The following CHRM3 variants were observed in gnomAD, a reference collection of about 807,000 sequenced individuals.
CHRM3 encodes muscarinic acetylcholine receptor M3.
Under a neutral mutation model 41.8 loss-of-function variants are expected in CHRM3, and 11 were observed. That is an observed-to-expected ratio of 0.26 (90% confidence interval 0.17 to 0.44). The LOEUF (loss-of-function observed/expected upper bound fraction) is 0.44, where lower values mean the gene tolerates loss of function less well. Ranked by LOEUF, CHRM3 falls within the 20% of genes least tolerant of loss-of-function variation. The probability of loss-of-function intolerance (pLI) is 1.00; values close to 1 mark genes in which losing one functional copy is unlikely to be tolerated. For synonymous variants in CHRM3, 297 were observed against 301.4 expected (o/e 0.99, Z 0.15); for missense variants, 571 against 745.4 (o/e 0.77, Z 2.72).
chr1:239,542,058 G>A (rs1027224042), intron 2 of CHRM3, among the ~76,000 whole-genome samples: 2 of 152,058 alleles, frequency 1.3e-5, no homozygotes, highest in African/African-American at 2.4e-5. Context: ...ATATGTATGT[G>A]TGGGCATTTT....
At chr1:239,623,494 T>TA (rs1668657094) in intron 3 of CHRM3, among the ~76,000 whole-genome samples, 2 of 129,126 alleles carry the variant, frequency 1.5e-5, no homozygotes, top group African/African-American at 6.0e-5. Flanking sequence ...TTTTTTTTTT[T>TA]TTAATTTTTT....
At chr1:239,438,958 C>G (rs1663489535) in intron 1 of CHRM3, among the ~76,000 whole-genome samples, 1 of 152,166 alleles carries the variant, frequency 6.6e-6, no homozygotes, top group African/African-American at 2.4e-5. Context: ...GGAATCAAGG[C>G]ACAGTGCAAA....
chr1:239,770,346 G>A (rs908715103), intron 5 of CHRM3, among the ~76,000 whole-genome samples: 2 of 152,124 alleles, frequency 1.3e-5, no homozygotes, highest in Admixed American at 1.3e-4. Flanking sequence ...AGTAATGCCT[G>A]TAGTATGGTA....
intron 1 of CHRM3, among the ~76,000 whole-genome samples, chr1:239,418,628 AATT>A (rs1661692986): frequency 6.6e-6 from 1 of 152,210 alleles, no homozygotes; most frequent in Non-Finnish European, 1.5e-5. Context: ...AAAAGATTTT[AATT>A]ATTAACAACA....
At chr1:239,752,454 T>C (rs571411286) in intron 5 of CHRM3, among the ~76,000 whole-genome samples, 190 of 152,360 alleles carry the variant, frequency 1.2e-3, no homozygotes, top group South Asian at 3.7e-3. Flanking sequence ...TTTCTAGTTT[T>C]GATTTTTTTC....
chr1:239,435,761 T>G (rs990553321), intron 1 of CHRM3, among the ~76,000 whole-genome samples: 2 of 152,182 alleles, frequency 1.3e-5, no homozygotes, highest in South Asian at 4.1e-4. Context: ...ACCTTTGATT[T>G]TCCTGAAAAT....
At chr1:239,803,932 T>C (rs1670415650) in intron 5 of CHRM3, among the ~76,000 whole-genome samples, 1 of 152,202 alleles carries the variant, frequency 6.6e-6, no homozygotes, top group South Asian at 2.1e-4. Flanking sequence ...GAGGTAGCCC[T>C]GGGTATGAGA....
chr1:239,454,917 A>G (rs140581521), intron 1 of CHRM3, among the ~76,000 whole-genome samples: 545 of 152,242 alleles, frequency 3.6e-3, no homozygotes, highest in African/African-American at 0.013. Context: ...AAACGAACCT[A>G]CTATGCTACC....
At chr1:239,454,390 G>A (rs1664773688) in intron 1 of CHRM3, among the ~76,000 whole-genome samples, 1 of 152,122 alleles carries the variant, frequency 6.6e-6, no homozygotes, top group Non-Finnish European at 1.5e-5. Flanking sequence ...AATTGTGGAG[G>A]AAGGGGTGAG....
At chr1:239,899,392 TACATATACAC>T (rs1266068073) in intron 6 of CHRM3, among the ~76,000 whole-genome samples, 2 of 148,198 alleles carry the variant, frequency 1.3e-5, no homozygotes, top group Non-Finnish European at 3.0e-5. Context: ...TAAACACATA[TACATATACAC>T]ACATATACAT....
At chr1:239,452,107 A>G (rs1322627729) in intron 1 of CHRM3, among the ~76,000 whole-genome samples, 3 of 152,140 alleles carry the variant, frequency 2.0e-5, no homozygotes, top group African/African-American at 7.2e-5. Flanking sequence ...TTATAATTCA[A>G]GTACTTTATA....
At chr1:239,530,340 AATATG>A (rs916523937) in intron 2 of CHRM3, among the ~76,000 whole-genome samples, 2 of 152,226 alleles carry the variant, frequency 1.3e-5, no homozygotes, top group East Asian at 1.9e-4. Context: ...AACTGAAACT[AATATG>A]ATATATTTTT....
At chr1:239,900,377 CTT>C (rs10567817) in intron 6 of CHRM3, among the ~76,000 whole-genome samples, 11,151 of 130,222 alleles carry the variant, frequency 0.086, 1,323 homozygotes, top group African/African-American at 0.29. Context: ...TTTAGATATT[CTT>C]TTTTTTTTTT....
rs1196605621 is a variant in CHRM3 at position 239,913,639 on chromosome 1, T to C, written c.*4415T>C. ...TGTTCTTTAGAACTGGAGAATTCCATTTTCCTTTTCTGGCTTTAGTGTTAA... is the reference window on the plus strand; with the variant it reads ...TGTTCTTTAGAACTGGAGAATTCCACTTTCCTTTTCTGGCTTTAGTGTTAA... On this transcript the variant is annotated 3_prime_UTR_variant, in exon 7 of 7. Coordinates refer to ENST00000676153, the MANE Select transcript of CHRM3 (RefSeq NM_001375978.1). The C allele has an allele frequency of 6.0e-6, 1 of 167,026 alleles. No homozygotes were observed. The highest frequency in any genetic ancestry group is 1.5e-5 in the Non-Finnish European group (1 of 68,130). The allele number at this position is 167,026 out of a possible 1,614,324, so 10.3% of individuals were successfully genotyped here.
At position 239,618,273 on chromosome 1, in the gene CHRM3, C is replaced by CTTTTTTTT. The variant is rs11413091; in HGVS notation, c.-312-13948_-312-13947insTTTTTTTT. On this transcript the variant is annotated intron_variant, in intron 3 of 6. Coordinates refer to ENST00000676153, the MANE Select transcript of CHRM3 (RefSeq NM_001375978.1). ...TAGAGAGTAGGAGTACTTTTTTTTT[C>CTTTTTTTT]TTTCTTTTTTTTTTTTTTTTTTAAT... Among the ~76,000 whole-genome samples, 3 of 113,048 alleles carry CTTTTTTTT rather than the reference C, an allele frequency of 2.7e-5. 1 individual carries two copies. 74.2% of individuals were successfully genotyped at this position (113,048 alleles called of 152,430 possible).
intron 5 of CHRM3, among the ~76,000 whole-genome samples, chr1:239,774,765 T>C (rs1233316376): frequency 6.6e-6 from 1 of 152,160 alleles, no homozygotes; most frequent in Non-Finnish European, 1.5e-5. Flanking sequence ...TCTTGTCAGA[T>C]ATTTCTACTA....
rs1300160701 is a variant in CHRM3, at chr1:239,594,178, C to T, written c.-312-38046C>T. Among the ~76,000 whole-genome samples, 9 of 152,132 alleles carry T rather than the reference C, an allele frequency of 5.9e-5. No homozygotes were observed. In the East Asian group the frequency reaches 1.5e-3, roughly 26 times the overall value. On this transcript the variant is annotated intron_variant, in intron 3 of 6. Coordinates refer to ENST00000676153, the MANE Select transcript of CHRM3 (RefSeq NM_001375978.1). The stretch of plus-strand genomic sequence containing the variant: ...TCAAAAGTGAAGTACTTCATATTGA[C>T]TTGTTTGATTTATCAGTAAGAGAAC...
At chr1:239,566,508 G>A (rs547001095) in intron 3 of CHRM3, among the ~76,000 whole-genome samples, 170 of 152,272 alleles carry the variant, frequency 1.1e-3, no homozygotes, top group Non-Finnish European at 1.8e-3. Flanking sequence ...TATCAGAGTT[G>A]TTCAGCTTTC....
chr1:239,778,588 C>T (rs1275054183), intron 5 of CHRM3, among the ~76,000 whole-genome samples: 1 of 152,152 alleles, frequency 6.6e-6, no homozygotes, highest in Non-Finnish European at 1.5e-5. Context: ...TTCCCATTGC[C>T]TTTCTCTGGC....
Sources: allele counts gnomAD v4.1 joint callset (sites outside exome capture counted in the v4.1 genomes callset), GRCh38; gene constraint gnomAD v4.1.1; transcripts MANE v1.5; gene names NCBI Gene and HGNC (gene_info 2026-07-23, HGNC 2026-07-21).